Variants in OTOA observed in about 807,000 individuals in gnomAD.
The protein encoded by OTOA is cancer/testis antigen 108.
A neutral mutation model predicts 110.8 loss-of-function variants in OTOA; 70 were observed. The ratio of observed to expected loss-of-function variants is 0.63; its 90% confidence interval spans 0.52 to 0.77. The LOEUF is 0.77. Among genes scored for constraint, OTOA ranks in the 30% least tolerant of loss-of-function variants. The probability of loss-of-function intolerance (pLI) is 0.00; values close to 1 mark genes in which losing one functional copy is unlikely to be tolerated. For missense variants in OTOA, 917 were observed against 1,075.8 expected, an observed-to-expected ratio of 0.85 and a Z score of 2.06; for synonymous variants, 373 against 431.5, an observed-to-expected ratio of 0.86 and a Z score of 1.68.
At chr16:21,729,318 T>C (rs1306396112) in intron 20 of OTOA, among the ~76,000 whole-genome samples, 1 of 152,218 alleles carries the variant, frequency 6.6e-6, no homozygotes, top group East Asian at 1.9e-4. Context: ...ATTATAGGTA[T>C]GGGCCACCAT....
chr16:21,690,196 G>T (rs150585), intron 8 of OTOA, among the ~76,000 whole-genome samples: 4 of 152,106 alleles, frequency 2.6e-5, no homozygotes, highest in Non-Finnish European at 5.9e-5. Flanking sequence ...GGTATTTTTT[G>T]TTTTTAAGTT....
chr16:21,678,819 T>C, intron 2 of OTOA, 96 bp from the exon 3 acceptor site: 2 of 1,465,706 alleles, frequency 1.4e-6, no homozygotes, highest in Non-Finnish European at 1.9e-6. Flanking sequence ...ATTTCCTTCA[T>C]GAGTGGCTTT....
chr16:21,738,733 A>G (rs1258694681), intron 22 of OTOA, among the ~76,000 whole-genome samples: 2 of 152,302 alleles, frequency 1.3e-5, no homozygotes, highest in Admixed American at 1.3e-4. Context: ...TTATATGGGT[A>G]CAGGATAGTG....
intron 14 of OTOA, among the ~76,000 whole-genome samples, chr16:21,715,438 AG>A (rs1413355442): frequency 4.7e-5 from 7 of 149,236 alleles, no homozygotes; most frequent in African/African-American, 1.7e-4. Flanking sequence ...TTCAGGTTCA[AG>A]TTTGTTTTTT....
At chr16:21,681,591 A>G in intron 5 of OTOA, 147 bp from the exon 6 acceptor site, 1 of 684,950 alleles carries the variant, frequency 1.5e-6, no homozygotes. Context: ...AAAGGAAAGA[A>G]AAGAAAAGAG....
At chr16:21,685,146 C>A in intron 6 of OTOA, 84 bp from the exon 7 acceptor site, 4 of 1,560,734 alleles carry the variant, frequency 2.6e-6, no homozygotes, top group Non-Finnish European at 3.5e-6. Flanking sequence ...AATGAGGGGG[C>A]CGGGCTGGGC....
chr16:21,695,351 A>C (rs994738736), intron 9 of OTOA, among the ~76,000 whole-genome samples: 2 of 150,554 alleles, frequency 1.3e-5, no homozygotes, highest in Non-Finnish European at 3.0e-5. Context: ...ATCCAACTGC[A>C]CTCCAGCCTG....
At chr16:21,671,617 A>G (rs973228955) in intron 1 of OTOA, among the ~76,000 whole-genome samples, 6 of 147,558 alleles carry the variant, frequency 4.1e-5, no homozygotes, top group Non-Finnish European at 8.9e-5. Context: ...AGAAAAAAGA[A>G]AAAAAAAAAG....
At chr16:21,736,210 A>G (rs1195732220) in intron 21 of OTOA, 51 bp from the exon 22 acceptor site, 16 of 1,543,036 alleles carry the variant, frequency 1.0e-5, no homozygotes, top group Admixed American at 3.4e-5. Flanking sequence ...TTCAATCTGT[A>G]TTTAAGGGGT....
chr16:21,690,218 G>A (rs188304123), intron 8 of OTOA, among the ~76,000 whole-genome samples: 33 of 152,192 alleles, frequency 2.2e-4, no homozygotes, highest in Admixed American at 4.6e-4. Flanking sequence ...TGGGGTACAC[G>A]TGCAGGATGT....
chr16:21,684,942 G>T (rs867009322), intron 6 of OTOA, among the ~76,000 whole-genome samples: 5 of 151,878 alleles, frequency 3.3e-5, no homozygotes, highest in African/African-American at 9.7e-5. Context: ...AGTAGAGACG[G>T]GGTTTCACCA....
At chr16:21,704,904 A>G in intron 11 of OTOA, 1 of 779,464 alleles carries the variant, frequency 1.3e-6, no homozygotes, top group Non-Finnish European at 2.4e-6. Flanking sequence ...AGGTGATGCC[A>G]GGACTCATTC....
chr16:21,682,069 C>T (rs916602498), intron 6 of OTOA, among the ~76,000 whole-genome samples: 1 of 152,184 alleles, frequency 6.6e-6, no homozygotes, highest in Admixed American at 6.5e-5. Context: ...CAAAAAGACC[C>T]CCAGATGACA....
chr16:21,698,944 T>C (rs991932967), intron 10 of OTOA, among the ~76,000 whole-genome samples: 1 of 152,142 alleles, frequency 6.6e-6, no homozygotes, highest in Non-Finnish European at 1.5e-5. Flanking sequence ...AAGGGAATTT[T>C]ATTTTATTTT....
chr16:21,708,909 A>G (rs1402105775), intron 12 of OTOA, among the ~76,000 whole-genome samples: 1 of 152,212 alleles, frequency 6.6e-6, no homozygotes, highest in African/African-American at 2.4e-5. Flanking sequence ...GGCATATTGC[A>G]ATAAAATAAT....
chr16:21,706,423 C>G (rs1028436386), intron 12 of OTOA, among the ~76,000 whole-genome samples: 1 of 152,194 alleles, frequency 6.6e-6, no homozygotes, highest in Non-Finnish European at 1.5e-5. Context: ...CAGGTGCCAC[C>G]CTCAGAGAAT....
chr16:21,716,161 A>T (rs369131469), intron 14 of OTOA, among the ~76,000 whole-genome samples: 1 of 150,234 alleles, frequency 6.7e-6, no homozygotes, highest in African/African-American at 2.5e-5. Context: ...CCGGCCTCCT[A>T]CAGTGCTGGG....
intron 11 of OTOA, chr16:21,704,912 TTC>T: frequency 1.3e-6 from 1 of 780,846 alleles, no homozygotes; most frequent in Non-Finnish European, 2.4e-6. Flanking sequence ...CCAGGACTCA[TTC>T]TGATTGGATC....
At chr16:21,679,152 A>G in intron 4 of OTOA, 32 bp from the exon 5 acceptor site, 1 of 1,613,804 alleles carries the variant, frequency 6.2e-7, no homozygotes, top group Non-Finnish European at 8.5e-7. Flanking sequence ...GATTCCTTTT[A>G]AAGATGTCTT....
Sources: allele counts gnomAD v4.1 joint callset (sites outside exome capture counted in the v4.1 genomes callset), GRCh38; gene constraint gnomAD v4.1.1; transcripts MANE v1.5; gene names NCBI Gene and HGNC (gene_info 2026-07-23, HGNC 2026-07-21).